ARHGAP10: variants seen among roughly 807,000 people sequenced by gnomAD.
ARHGAP10 encodes the protein rho GTPase-activating protein 10.
In ARHGAP10, 87 loss-of-function variants were observed where a neutral mutation model predicts 108.6. That is an observed-to-expected ratio of 0.80 (90% CI 0.67 to 0.96). The LOEUF (loss-of-function observed/expected upper bound fraction) is 0.96, where lower values mean the gene tolerates loss of function less well. Among genes scored for constraint, ARHGAP10 ranks in the 40% least tolerant of loss-of-function variants. ARHGAP10 has a pLI of 0.00. For synonymous variants in ARHGAP10, 347 were observed against 341.1 expected (o/e 1.02, Z -0.19); for missense variants, 939 against 954.5 (o/e 0.98, Z 0.21).
chr4:147,888,934 GA>G (rs1475540610), intron 10 of ARHGAP10, among the ~76,000 whole-genome samples: 1 of 152,192 alleles, frequency 6.6e-6, no homozygotes, highest in Non-Finnish European at 1.5e-5. Context: ...GTAGAATCAG[GA>G]ATCAGGGAAT....
Position 147,876,396 on chromosome 4 carries a change from T to C in ARHGAP10, c.832+1246T>C, listed in dbSNP as rs918553489. Among the ~76,000 whole-genome samples the C allele has an allele frequency of 2.0e-5, 3 of 152,162 alleles. No individual in the cohort carries two copies. The East Asian group carries it at 5.8e-4, about 29-fold the overall frequency. ...TCACGAGGTCAGGAGATCGAGACCA[T>C]CCTGGCTAATACAGTGAAACCCTGT... is the stretch of plus-strand genomic sequence containing the variant. On this transcript the variant is annotated intron_variant, in intron 8 of 22. Coordinates refer to ENST00000336498, the MANE Select transcript of ARHGAP10 (RefSeq NM_024605.4).
intron 4 of ARHGAP10, 22 bp from the exon 5 acceptor site, chr4:147,857,531 A>T (rs774056119): frequency 7.3e-6 from 10 of 1,369,394 alleles, no homozygotes; most frequent in Non-Finnish European, 9.6e-6. Context: ...CTGTTTAATC[A>T]TAGTTTTTTT....
chr4:147,854,926 A>T, intron 4 of ARHGAP10: 5 of 949,300 alleles, frequency 5.3e-6, no homozygotes, highest in Non-Finnish European at 6.3e-6. Context: ...TTCATTCCCA[A>T]CTTTACCCAC....
chr4:147,908,899 T>C (rs1210340355), intron 11 of ARHGAP10, among the ~76,000 whole-genome samples: 1 of 152,164 alleles, frequency 6.6e-6, no homozygotes, highest in Non-Finnish European at 1.5e-5. Context: ...CTCAGAGATG[T>C]TCCTTTTTGT....
intron 10 of ARHGAP10, among the ~76,000 whole-genome samples, chr4:147,900,763 A>G (rs930648463): frequency 8.6e-5 from 13 of 151,986 alleles, no homozygotes; most frequent in Non-Finnish European, 2.9e-5. Flanking sequence ...CAAAGATGTG[A>G]TTGCTATTTT....
rs374668044 is a variant in ARHGAP10 at position 148,023,425 on chromosome 4, A to G, written c.1867+12A>G. ...GGAGCTGGAAGATGGTAAGATGTTAATGATATTTTTTGCTTGATAGCATGT... is the reference window on the plus strand; with the variant it reads ...GGAGCTGGAAGATGGTAAGATGTTAGTGATATTTTTTGCTTGATAGCATGT... On this transcript the variant is annotated intron_variant, in intron 19 of 22. Coordinates refer to ENST00000336498, the MANE Select transcript of ARHGAP10 (RefSeq NM_024605.4). 5.8e-5 allele frequency: 93 copies of G among 1,608,436 alleles called. No homozygotes were observed. Among genetic ancestry groups the G allele is most frequent in the Non-Finnish European group, 7.7e-5 (90 of 1,175,726 alleles).
At chr4:147,909,398 A>C (rs558646325) in intron 11 of ARHGAP10, among the ~76,000 whole-genome samples, 69 of 152,320 alleles carry the variant, frequency 4.5e-4, no homozygotes, top group Admixed American at 2.4e-3. Context: ...TAGGGCTGAA[A>C]GAAATATCAG....
chr4:147,974,465 CTG>C (rs1243040516), intron 18 of ARHGAP10, among the ~76,000 whole-genome samples: 1 of 152,080 alleles, frequency 6.6e-6, no homozygotes, highest in African/African-American at 2.4e-5. Context: ...CTTTTAATAT[CTG>C]TCTTAATACT....
rs574335656 is a variant in ARHGAP10 at position 148,002,648 on chromosome 4, GT to G, written c.1717-20614del. Among the ~76,000 whole-genome samples, 1,214 of 152,260 alleles carry G rather than the reference GT, an allele frequency of 8.0e-3. 12 individuals are homozygous for G. The highest frequency in any genetic ancestry group is 0.028 in the African/African-American group (1,147 of 41,552). On this transcript the variant is annotated intron_variant, in intron 18 of 22. Transcript: ENST00000336498. ...CTTCCTGGTTTAGTCTTGGGAGGGT[GT>G]ATGTGTCAAGGAATTTATCCATTTC...
intron 7 of ARHGAP10, among the ~76,000 whole-genome samples, chr4:147,867,926 C>CT (rs57058691): frequency 2.4e-4 from 32 of 135,614 alleles, no homozygotes; most frequent in African/African-American, 8.1e-4. Context: ...TTGTTTCTAA[C>CT]TTTTTTTTTT....
In ARHGAP10 at chr4:148,063,161, C is replaced by A. The variant is rs758074651; in HGVS notation, c.2041C>A (p.Arg681=). 1.2e-6 allele frequency: 2 copies of A among 1,614,024 alleles called. No homozygotes were observed. Among genetic ancestry groups the A allele is most frequent in the Admixed American group, 1.7e-5 (1 of 60,006 alleles). Residue 681 remains arginine (R), a synonymous_variant, in exon 21 of 23, where the codon CGA becomes AGA. Coordinates refer to ENST00000336498, the MANE Select transcript of ARHGAP10 (RefSeq NM_024605.4). ...DWASTIPGQT[R]SSMVQWLNPQ... ...TCCTACCCTTAGCCCAGGCCAGACC[C>A]GATCGTCTATGGTCCAGTGGCTTAA...
At chr4:147,937,800 T>C (rs57194632) in intron 13 of ARHGAP10, among the ~76,000 whole-genome samples, 6 of 152,228 alleles carry the variant, frequency 3.9e-5, no homozygotes, top group African/African-American at 1.4e-4. Flanking sequence ...ACCAACATGG[T>C]GAAACCCCAT....
chr4:147,777,634 T>A lies in ARHGAP10; in HGVS notation c.155-45093T>A, dbSNP rs144258256. ...ATAACCTTCCTGTCAGACGGTCAGA[T>A]CTCTTAACACTGGATCACACTGACT... is the stretch of plus-strand genomic sequence containing the variant. On this transcript the variant is annotated intron_variant, in intron 1 of 22. Coordinates refer to ENST00000336498, the MANE Select transcript of ARHGAP10 (RefSeq NM_024605.4). Among the ~76,000 whole-genome samples, 16 of 152,226 alleles carry A rather than the reference T, an allele frequency of 1.1e-4. No individual in the cohort carries two copies. In the East Asian group the frequency reaches 2.9e-3, roughly 28 times the overall value.
chr4:148,009,690 C>T (rs938857566), intron 18 of ARHGAP10, among the ~76,000 whole-genome samples: 1 of 152,112 alleles, frequency 6.6e-6, no homozygotes, highest in South Asian at 2.1e-4. Flanking sequence ...AGATGGTCAC[C>T]GTTTTTTAAG....
At chr4:147,992,567 A>C (rs1297989573) in intron 18 of ARHGAP10, among the ~76,000 whole-genome samples, 2 of 151,716 alleles carry the variant, frequency 1.3e-5, no homozygotes. Context: ...CACCAACCCC[A>C]GCTAATTTTT....
chr4:147,958,464 C>T (rs1237956115), intron 16 of ARHGAP10, among the ~76,000 whole-genome samples: 3 of 152,194 alleles, frequency 2.0e-5, no homozygotes, highest in Admixed American at 2.0e-4. Context: ...TAACTATAAT[C>T]GGATCCAAGA....
chr4:147,913,173 C>T (rs1736826604), intron 13 of ARHGAP10, 34 bp downstream of exon 13: 4 of 1,577,786 alleles, frequency 2.5e-6, no homozygotes, highest in Non-Finnish European at 3.5e-6. Flanking sequence ...TCATGAGAGG[C>T]TATAGGTATG....
Position 147,857,551 on chromosome 4 carries a change from A to G in ARHGAP10, c.385-2A>G. The G allele has an allele frequency of 6.9e-7, 1 of 1,443,690 alleles. No individual in the cohort carries two copies. The highest frequency in any genetic ancestry group is 2.6e-5 in the East Asian group (1 of 37,878). 89.4% of individuals were successfully genotyped at this position (1,443,690 alleles called of 1,614,324 possible). A position where few individuals can be genotyped will look rare whatever the true frequency, so the allele number is the denominator to read the frequency against. ...TAATCATAGTTTTTTTTTTATTTGT[A>G]GGAAGAAAAAAAGAAGTTTGACAAA... On this transcript the variant is annotated splice_acceptor_variant, in intron 4 of 22. Coordinates refer to ENST00000336498, the MANE Select transcript of ARHGAP10 (RefSeq NM_024605.4). LOFTEE classifies it high-confidence loss of function.
In ARHGAP10 at chr4:147,909,612, C is replaced by T. The variant is rs543654382; in HGVS notation, c.1117-120C>T. 215 of 819,716 alleles carry T rather than the reference C, an allele frequency of 2.6e-4. 2 individuals are homozygous for T. The South Asian group carries it at 3.8e-3, about 14-fold the overall frequency. 50.8% of individuals were successfully genotyped at this position (819,716 alleles called of 1,614,324 possible). A position where few individuals can be genotyped will look rare whatever the true frequency, so the allele number is the denominator to read the frequency against. ...TGCAGACCAATTTCTTATTCTATCA[C>T]ATTAACCAGAATCAAGCTTATAAAA... On this transcript the variant is annotated intron_variant, in intron 11 of 22. Coordinates refer to ENST00000336498, the MANE Select transcript of ARHGAP10 (RefSeq NM_024605.4).
Sources: allele counts gnomAD v4.1 joint callset (sites outside exome capture counted in the v4.1 genomes callset), GRCh38; gene constraint gnomAD v4.1.1; transcripts MANE v1.5; gene names NCBI Gene and HGNC (gene_info 2026-07-23, HGNC 2026-07-21).